The following GPR149 variants were observed in gnomAD, a reference collection of about 807,000 sequenced individuals.
The protein encoded by GPR149 is probable G protein-coupled receptor 149.
In GPR149, 50 loss-of-function variants were observed where a neutral mutation model predicts 50.2. That is an observed-to-expected ratio of 1.00 (90% CI 0.79 to 1.26). The LOEUF (loss-of-function observed/expected upper bound fraction) is 1.26, where lower values mean the gene tolerates loss of function less well. Ranked by LOEUF, GPR149 falls within the 50% of genes most tolerant of loss-of-function variation. The pLI, the probability that GPR149 is intolerant of heterozygous loss-of-function variation, is 0.00. For missense variants in GPR149, 983 were observed against 895.4 expected (o/e 1.10, Z -1.25); for synonymous variants, 405 against 358.2 (o/e 1.13, Z -1.48).
intron 3 of GPR149, among the ~76,000 whole-genome samples, chr3:154,362,014 T>C (rs2108395720): frequency 6.6e-6 from 1 of 152,292 alleles, no homozygotes; most frequent in Non-Finnish European, 1.5e-5. Context: ...TATTTTCATA[T>C]ATAGCCAGAT....
intron 3 of GPR149, among the ~76,000 whole-genome samples, chr3:154,371,056 A>G (rs1218916117): frequency 6.6e-6 from 1 of 152,228 alleles, no homozygotes; most frequent in Non-Finnish European, 1.5e-5. Flanking sequence ...CATCCAGTCC[A>G]AATCAAGCTA....
chr3:154,354,126 C>A (rs2108391096), intron 3 of GPR149: 1 of 500,154 alleles, frequency 2.0e-6, no homozygotes, highest in South Asian at 1.6e-5. Flanking sequence ...CATTTAGCTT[C>A]TCTTTCATTT....
At chr3:154,388,309 T>C (rs987735370) in intron 3 of GPR149, among the ~76,000 whole-genome samples, 1 of 152,042 alleles carries the variant, frequency 6.6e-6, no homozygotes, top group African/African-American at 2.4e-5. Flanking sequence ...TACACATATA[T>C]ATACACACAC....
intron 3 of GPR149, among the ~76,000 whole-genome samples, chr3:154,361,198 A>T (rs912133345): frequency 4.6e-5 from 7 of 152,210 alleles, no homozygotes; most frequent in African/African-American, 1.7e-4. Flanking sequence ...GTATTATTGA[A>T]TCTCAAATAA....
chr3:154,374,169 C>CTTTT (rs3069044), intron 3 of GPR149, among the ~76,000 whole-genome samples: 4,326 of 103,076 alleles, frequency 0.042, 225 homozygotes, highest in Non-Finnish European at 0.056. Flanking sequence ...CTTTTCTTTT[C>CTTTT]TTTTTTTTTT....
At chr3:154,369,125 A>G (rs778623061) in intron 3 of GPR149, among the ~76,000 whole-genome samples, 6 of 152,200 alleles carry the variant, frequency 3.9e-5, no homozygotes, top group African/African-American at 9.6e-5. Flanking sequence ...ACGAGTCCCA[A>G]GACTAACCAC....
At chr3:154,353,981 G>A (rs191575883) in intron 3 of GPR149, 34 of 474,812 alleles carry the variant, frequency 7.2e-5, no homozygotes, top group African/African-American at 5.3e-4. Flanking sequence ...TGATTTATGA[G>A]TAGAACTATC....
At chr3:154,382,958 C>G (rs968474717) in intron 3 of GPR149, among the ~76,000 whole-genome samples, 1 of 151,962 alleles carries the variant, frequency 6.6e-6, no homozygotes. Context: ...ATTAGTGGGG[C>G]AGGATTAGGG....
chr3:154,399,198 T>C (rs1715363678), intron 3 of GPR149, among the ~76,000 whole-genome samples: 1 of 152,136 alleles, frequency 6.6e-6, no homozygotes, highest in Non-Finnish European at 1.5e-5. Flanking sequence ...GGATTTATGA[T>C]ATTTTCCTAT....
At chr3:154,400,594 A>G (rs1309169425) in intron 3 of GPR149, among the ~76,000 whole-genome samples, 1 of 151,006 alleles carries the variant, frequency 6.6e-6, no homozygotes, top group Non-Finnish European at 1.5e-5. Context: ...CTCTCTATGT[A>G]GAAATCCCAG....
chr3:154,389,575 G>A (rs1715118252), intron 3 of GPR149, among the ~76,000 whole-genome samples: 1 of 152,078 alleles, frequency 6.6e-6, no homozygotes, highest in Admixed American at 6.6e-5. Context: ...TAATGACTGT[G>A]GTTTGAAATG....
intron 3 of GPR149, among the ~76,000 whole-genome samples, chr3:154,405,327 G>T (rs760910093): frequency 6.6e-6 from 1 of 152,016 alleles, no homozygotes; most frequent in South Asian, 2.1e-4. Flanking sequence ...GGTGGCTCAC[G>T]CAGGTAATCC....
At chr3:154,340,656 A>AGGGAGATGTCATATTGTGGAGGG in intron 3 of GPR149, among the ~76,000 whole-genome samples, 1 of 152,204 alleles carries the variant, frequency 6.6e-6, no homozygotes, top group Non-Finnish European at 1.5e-5. Flanking sequence ...TATCTCGGGT[A>AGGGAGATGTCATATTGTGGAGGG]GGGAGATGTC....
intron 3 of GPR149, among the ~76,000 whole-genome samples, chr3:154,361,829 T>C (rs1714413609): frequency 6.6e-6 from 1 of 152,206 alleles, no homozygotes; most frequent in African/African-American, 2.4e-5. Context: ...CTAATCTTTA[T>C]TCTTTAGACA....
rs750341229 is a variant in GPR149, at chr3:154,337,838, T to G, written c.2057A>C (p.Asn686Thr). ...TTCTACTGTGTCTGGAATGGAGATA[T>G]TAATATCACCATCAGGATTACTGGT... is the stretch of plus-strand genomic sequence containing the variant. The part of the protein sequence containing the change: ...LPTSNPDGDI[N>T]ISIPDTVEAH... Residue 686 changes from asparagine to threonine, a missense_variant, in exon 4 of 4, where the codon AAT (asparagine) becomes ACT (threonine). Asn to Thr is a moderately conservative substitution (Grantham distance 65). Transcript: ENST00000389740. 3 of 1,613,976 alleles carry G rather than the reference T, an allele frequency of 1.9e-6. No individual in the cohort carries two copies. In the African/African-American group the frequency reaches 4.0e-5, roughly 22 times the overall value.
rs556359604 is a variant in GPR149 at position 154,350,800 on chromosome 3, G to T, written c.1624-12529C>A. On this transcript the variant is annotated intron_variant, in intron 3 of 3. Transcript: ENST00000389740. ...GGGATTGGTTCCAGGACCTCCTGTG[G>T]ATAGCAAAATCTTCAGATGCTTAAG... Among the ~76,000 whole-genome samples, 29 of 152,290 alleles carry T rather than the reference G, an allele frequency of 1.9e-4. 1 individual carries two copies. In the South Asian group the frequency reaches 5.8e-3, roughly 30 times the overall value.
chr3:154,362,715 C>T (rs1576906472), intron 3 of GPR149, among the ~76,000 whole-genome samples: 1 of 152,150 alleles, frequency 6.6e-6, no homozygotes, highest in Non-Finnish European at 1.5e-5. Flanking sequence ...GTCTGAATCT[C>T]CAAGGCACCA....
chr3:154,379,856 AG>A (rs1419644330), intron 3 of GPR149, among the ~76,000 whole-genome samples: 1 of 152,114 alleles, frequency 6.6e-6, no homozygotes, highest in Non-Finnish European at 1.5e-5. Flanking sequence ...CGAGTTTTGA[AG>A]TCAGATAGTG....
At chr3:154,340,072 A>G (rs1291763655) in intron 3 of GPR149, among the ~76,000 whole-genome samples, 1 of 151,990 alleles carries the variant, frequency 6.6e-6, no homozygotes, top group African/African-American at 2.4e-5. Context: ...GATTACAGGC[A>G]TGAGCCACCG....
Sources: gnomAD v4.1 joint callset for allele counts (sites outside exome capture counted in the v4.1 genomes callset) on GRCh38, gnomAD v4.1.1 for gene constraint, MANE v1.5 for transcripts, NCBI Gene and HGNC (gene_info 2026-07-23, HGNC 2026-07-21) for gene names.